LRRTM4: variants seen among roughly 807,000 people sequenced by gnomAD.
The protein encoded by LRRTM4 is leucine rich repeat transmembrane neuronal 4, also known as leucine-rich repeat transmembrane neuronal protein 4.
LRRTM4 carries 25 observed loss-of-function variants against 47.6 expected under a neutral mutation model. The ratio of observed to expected loss-of-function variants is 0.53; its 90% CI spans 0.38 to 0.73. The LOEUF (loss-of-function observed/expected upper bound fraction) is 0.73. Among genes scored for constraint, LRRTM4 ranks in the 30% least tolerant of loss-of-function variants. The pLI, the probability that LRRTM4 is intolerant of heterozygous loss-of-function variation, is 0.00. For missense variants in LRRTM4, 638 were observed against 713.4 expected, an observed-to-expected ratio of 0.89 and a Z score of 1.20; for synonymous variants, 311 against 269.5, an observed-to-expected ratio of 1.15 and a Z score of -1.51.
intron 3 of LRRTM4, among the ~76,000 whole-genome samples, chr2:76,943,594 C>T (rs536889931): frequency 6.6e-6 from 1 of 152,282 alleles, no homozygotes; most frequent in African/African-American, 2.4e-5. Flanking sequence ...TTTCCTCTCT[C>T]CATGACAATT....
chr2:76,753,177 T>G (rs1672910123), intron 3 of LRRTM4, among the ~76,000 whole-genome samples: 1 of 152,200 alleles, frequency 6.6e-6, no homozygotes, highest in African/African-American at 2.4e-5. Flanking sequence ...TGACTAATTA[T>G]AAGTCACTTT....
At chr2:77,000,780 G>T (rs1308046546) in intron 3 of LRRTM4, among the ~76,000 whole-genome samples, 1 of 151,606 alleles carries the variant, frequency 6.6e-6, no homozygotes, top group African/African-American at 2.4e-5. Context: ...TTTAGATTCT[G>T]CTCTCTCATC....
intron 3 of LRRTM4, among the ~76,000 whole-genome samples, chr2:76,782,182 A>T (rs776512658): frequency 1.3e-5 from 2 of 152,218 alleles, no homozygotes; most frequent in Non-Finnish European, 2.9e-5. Context: ...TTTGCAACAC[A>T]TGTAAGATTT....
chr2:77,370,592 T>C lies in LRRTM4; in HGVS notation c.1551+147726A>G, dbSNP rs543545036. ...GATTTGTTTTTGAAGTTTAGAAATA[T>C]GTCTGTGGATGACTAGCCAAAGATG... On this transcript the variant is annotated intron_variant, in intron 3 of 3. Coordinates refer to ENST00000409884, the MANE Select transcript of LRRTM4 (RefSeq NM_001134745.3). 2.7e-4 allele frequency among the ~76,000 whole-genome samples: 41 copies of C among 151,790 alleles called. 1 individual carries two copies. Among genetic ancestry groups the C allele is most frequent in the African/African-American group, 9.4e-4 (39 of 41,488 alleles).
intron 3 of LRRTM4, among the ~76,000 whole-genome samples, chr2:77,301,714 C>T (rs1677136992): frequency 6.6e-6 from 1 of 152,048 alleles, no homozygotes; most frequent in Non-Finnish European, 1.5e-5. Flanking sequence ...TATATTTCTC[C>T]CTATGTTTGA....
rs1275440918 is a variant in LRRTM4 at position 77,086,256 on chromosome 2, T to C, written c.1552-337340A>G. Among the ~76,000 whole-genome samples the C allele has an allele frequency of 2.6e-5, 4 of 152,192 alleles. No individual in the cohort carries two copies. The East Asian group carries it at 7.7e-4, about 29-fold the overall frequency. ...TTATTTTGTAAATAAGAGAAGTGAG[T>C]CAAGGAGGATCACAACTGGTTCAGG... On this transcript the variant is annotated intron_variant, in intron 3 of 3. Coordinates refer to ENST00000409884, the MANE Select transcript of LRRTM4 (RefSeq NM_001134745.3).
intron 3 of LRRTM4, among the ~76,000 whole-genome samples, chr2:77,496,573 T>C (rs1678372098): frequency 6.6e-6 from 1 of 151,862 alleles, no homozygotes; most frequent in Non-Finnish European, 1.5e-5. Context: ...CTGCTTGTAC[T>C]GAGATGATTT....
intron 3 of LRRTM4, among the ~76,000 whole-genome samples, chr2:76,911,367 G>A (rs963115495): frequency 2.0e-5 from 3 of 152,152 alleles, no homozygotes; most frequent in African/African-American, 7.2e-5. Context: ...AAGTGAAAAT[G>A]TTTCCTGGAC....
chr2:77,222,406 A>G (rs943499024), intron 3 of LRRTM4, among the ~76,000 whole-genome samples: 4 of 152,244 alleles, frequency 2.6e-5, no homozygotes, highest in South Asian at 2.1e-4. Flanking sequence ...CAAAAAATCA[A>G]TGAATCCAGG....
At chr2:77,106,739 A>C (rs1013963723) in intron 3 of LRRTM4, among the ~76,000 whole-genome samples, 1 of 152,018 alleles carries the variant, frequency 6.6e-6, no homozygotes. Flanking sequence ...TCTATAAGGA[A>C]GGGAATTCCA....
chr2:76,896,757 T>A (rs953854), intron 3 of LRRTM4, among the ~76,000 whole-genome samples: 56,353 of 149,402 alleles, frequency 0.38, 11,691 homozygotes, highest in East Asian at 0.72. Flanking sequence ...TATTGGACAC[T>A]TTCTGATTGC....
chr2:77,357,042 C>T (rs1233864237), intron 3 of LRRTM4, among the ~76,000 whole-genome samples: 1 of 152,004 alleles, frequency 6.6e-6, no homozygotes, highest in Non-Finnish European at 1.5e-5. Context: ...CAAAATAATA[C>T]CTAGATACTA....
intron 3 of LRRTM4, among the ~76,000 whole-genome samples, chr2:77,277,068 A>T (rs1676380837): frequency 6.6e-6 from 1 of 151,882 alleles, no homozygotes. Context: ...GTGACTTACA[A>T]CTACACAGTA....
intron 3 of LRRTM4, among the ~76,000 whole-genome samples, chr2:76,787,241 A>T (rs1674723571): frequency 6.6e-6 from 1 of 152,168 alleles, no homozygotes; most frequent in Non-Finnish European, 1.5e-5. Context: ...GTGGGAAAAG[A>T]TTACTCCAGA....
At chr2:76,878,751 G>T (rs1672845955) in intron 3 of LRRTM4, among the ~76,000 whole-genome samples, 1 of 152,032 alleles carries the variant, frequency 6.6e-6, no homozygotes, top group African/African-American at 2.4e-5. Context: ...GTGGGTGCTT[G>T]GAATCCCAGC....
intron 3 of LRRTM4, among the ~76,000 whole-genome samples, chr2:76,894,185 T>C (rs1002081907): frequency 6.6e-6 from 1 of 151,996 alleles, no homozygotes; most frequent in Non-Finnish European, 1.5e-5. Context: ...AAATCTCTTT[T>C]AAAATGCAGT....
intron 3 of LRRTM4, among the ~76,000 whole-genome samples, chr2:76,964,837 C>T (rs1346553777): frequency 1.3e-5 from 2 of 149,996 alleles, no homozygotes; most frequent in African/African-American, 2.4e-5. Flanking sequence ...AAAAATTATC[C>T]ATACCAGATA....
chr2:77,121,271 T>C (rs1198573042), intron 3 of LRRTM4, among the ~76,000 whole-genome samples: 1 of 151,818 alleles, frequency 6.6e-6, no homozygotes, highest in Non-Finnish European at 1.5e-5. Flanking sequence ...CTAATGATTT[T>C]TATCCTCAGC....
At chr2:77,344,821 C>T (rs908064117) in intron 3 of LRRTM4, among the ~76,000 whole-genome samples, 24 of 151,400 alleles carry the variant, frequency 1.6e-4, no homozygotes, top group African/African-American at 5.3e-4. Context: ...AGTCTCTCTG[C>T]GACCCACAGA....
Sources: gnomAD v4.1 joint callset for allele counts (sites outside exome capture counted in the v4.1 genomes callset) on GRCh38, gnomAD v4.1.1 for gene constraint, MANE v1.5 for transcripts, NCBI Gene and HGNC (gene_info 2026-07-23, HGNC 2026-07-21) for gene names.